The following ZNF680 variants were observed in gnomAD, a reference collection of about 807,000 sequenced individuals.
The protein encoded by ZNF680 is zinc finger protein 680, also known as hypothetical protein FLJ90430.
In ZNF680, 6 loss-of-function variants were observed where a neutral mutation model predicts 12.1. The ratio of observed to expected loss-of-function variants is 0.49; its 90% CI spans 0.27 to 0.98. ZNF680 has a LOEUF of 0.98. Among genes scored for constraint, ZNF680 ranks in the 50% least tolerant of loss-of-function variants. The probability of loss-of-function intolerance (pLI) is 0.12; values close to 1 mark genes in which losing one functional copy is unlikely to be tolerated. For missense variants in ZNF680, 561 were observed against 616.3 expected (o/e 0.91, Z 0.95); for synonymous variants, 170 against 199.3 (o/e 0.85, Z 1.24).
At chr7:64,501,530 G>A in the ZNF680 span, 1 of 770,554 alleles carries the variant, frequency 1.3e-6, no homozygotes, top group Non-Finnish European at 2.3e-6. Context: ...AAGAGGAACA[G>A]AGCAGGAGCT....
chr7:64,554,049 C>CTCTG (rs1562774523), intron 1 of ZNF680, among the ~76,000 whole-genome samples: 2 of 148,442 alleles, frequency 1.3e-5, no homozygotes, highest in Non-Finnish European at 3.0e-5. Context: ...GCCGCCCATC[C>CTCTG]TCTGGGATGT....
intron 1 of ZNF680, among the ~76,000 whole-genome samples, chr7:64,561,934 C>CAA (rs1187872173): frequency 6.2e-5 from 5 of 80,334 alleles, no homozygotes; most frequent in East Asian, 2.8e-4. Context: ...GACTCCGTCT[C>CAA]AAAAAAAAAA....
intron 1 of ZNF680, among the ~76,000 whole-genome samples, chr7:64,552,870 A>C (rs1239857782): frequency 8.5e-5 from 13 of 152,230 alleles, no homozygotes; most frequent in Admixed American, 7.8e-4. Flanking sequence ...TCACGCCAGT[A>C]ATCCCAGCAC....
At position 64,519,946 on chromosome 7, in the gene ZNF680, C is replaced by T. The variant is rs1791443660; in HGVS notation, c.*1215G>A. On this transcript the variant is annotated 3_prime_UTR_variant, in exon 4 of 4. Coordinates refer to ENST00000309683, the MANE Select transcript of ZNF680 (RefSeq NM_178558.5). ...CATAATCTAAAAATTTTCAAATGTA[C>T]TGCATTTATAGCATAAAAGTACAAT... 1 of 151,762 alleles carries T rather than the reference C, an allele frequency of 6.6e-6. No homozygotes were observed. The highest frequency in any genetic ancestry group is 1.5e-5 in the Non-Finnish European group (1 of 67,742). The allele number at this position is 151,762 out of a possible 1,614,324, so 9.4% of individuals were successfully genotyped here. A position where few individuals can be genotyped will look rare whatever the true frequency, so the allele number is the denominator to read the frequency against.
At chr7:64,515,410 C>A (rs1584338101), downstream of ZNF680, among the ~76,000 whole-genome samples, 1 of 152,028 alleles carries the variant, frequency 6.6e-6, no homozygotes, top group East Asian at 1.9e-4. Flanking sequence ...CCAAAAAAAT[C>A]CAATGCCTAA....
chr7:64,514,169 G>A, the ZNF680 span, among the ~76,000 whole-genome samples: 165 of 152,176 alleles, frequency 1.1e-3, no homozygotes, highest in East Asian at 0.022. Context: ...AGGGGCTCCT[G>A]GGGCATCCAA....
At chr7:64,557,554 C>CAA (rs34402012) in intron 1 of ZNF680, among the ~76,000 whole-genome samples, 3,867 of 114,498 alleles carry the variant, frequency 0.034, 100 homozygotes, top group African/African-American at 0.088. Context: ...GGGTCCGTCT[C>CAA]AAAAAAACAA....
chr7:64,561,807 C>G (rs1293229990), intron 1 of ZNF680, among the ~76,000 whole-genome samples: 1 of 151,338 alleles, frequency 6.6e-6, no homozygotes, highest in East Asian at 1.9e-4. Flanking sequence ...TGGTGGCGGG[C>G]GCCTGTAGTC....
At chr7:64,558,814 A>G (rs1039092736) in intron 1 of ZNF680, among the ~76,000 whole-genome samples, 6 of 148,924 alleles carry the variant, frequency 4.0e-5, no homozygotes, top group Non-Finnish European at 8.9e-5. Context: ...TTTGAGATTT[A>G]TTTTGTTAAT....
intron 3 of ZNF680, among the ~76,000 whole-genome samples, chr7:64,529,000 C>T (rs1284356034): frequency 6.6e-6 from 1 of 152,176 alleles, no homozygotes; most frequent in East Asian, 1.9e-4. Flanking sequence ...CAACACAGAA[C>T]TCCGGGCAGA....
At chr7:64,509,336 G>A in the ZNF680 span, among the ~76,000 whole-genome samples, 6 of 152,056 alleles carry the variant, frequency 3.9e-5, no homozygotes, top group Non-Finnish European at 8.8e-5. Context: ...CACATCCTAT[G>A]TGTAAACAGA....
chr7:64,508,994 A>T, the ZNF680 span, among the ~76,000 whole-genome samples: 10 of 152,132 alleles, frequency 6.6e-5, no homozygotes, highest in Non-Finnish European at 8.8e-5. Flanking sequence ...ATAGACATTT[A>T]TGGCACTGTA....
chr7:64,507,474 GGTAA>G, the ZNF680 span, among the ~76,000 whole-genome samples: 3 of 151,548 alleles, frequency 2.0e-5, no homozygotes, highest in African/African-American at 7.3e-5. Flanking sequence ...ACAAAGGATA[GGTAA>G]GTGAGTTGAT....
chr7:64,544,560 G>A, intron 1 of ZNF680, 128 bp from the exon 2 acceptor site: 1 of 1,417,016 alleles, frequency 7.1e-7, no homozygotes, highest in Non-Finnish European at 9.3e-7. Flanking sequence ...CTGACTTACA[G>A]GAGTGAGTCA....
intron 3 of ZNF680, among the ~76,000 whole-genome samples, chr7:64,523,411 TAGGA>T (rs1429718356): frequency 6.6e-6 from 1 of 150,670 alleles, no homozygotes; most frequent in East Asian, 2.0e-4. Context: ...CAAAAGAAAA[TAGGA>T]AGGAAGTGAA....
the ZNF680 span, among the ~76,000 whole-genome samples, chr7:64,499,812 TA>T: frequency 6.6e-6 from 1 of 152,090 alleles, no homozygotes; most frequent in African/African-American, 2.4e-5. Context: ...GTCTCTTGAG[TA>T]ACTGCCAATC....
intron 1 of ZNF680, among the ~76,000 whole-genome samples, chr7:64,553,227 C>A (rs1014428868): frequency 4.1e-4 from 62 of 152,038 alleles, no homozygotes; most frequent in African/African-American, 1.5e-3. Flanking sequence ...AGGTTCAACT[C>A]CAACTCCACT....
intron 3 of ZNF680, among the ~76,000 whole-genome samples, chr7:64,526,761 A>T (rs1299475070): frequency 6.6e-6 from 1 of 152,216 alleles, no homozygotes; most frequent in Non-Finnish European, 1.5e-5. Context: ...AGTTTTTAAC[A>T]TCAACAAAAA....
At chr7:64,502,784 C>A in the ZNF680 span, among the ~76,000 whole-genome samples, 2 of 151,512 alleles carry the variant, frequency 1.3e-5, no homozygotes, top group African/African-American at 4.8e-5. Context: ...AATCATATAT[C>A]CTGAAGAATC....
Sources: allele counts gnomAD v4.1 joint callset (sites outside exome capture counted in the v4.1 genomes callset), GRCh38; gene constraint gnomAD v4.1.1; transcripts MANE v1.5; gene names NCBI Gene and HGNC (gene_info 2026-07-23, HGNC 2026-07-21).